Variants in SFT2D2 observed in about 807,000 individuals in gnomAD.
The protein encoded by SFT2D2 is vesicle transport protein SFT2B.
A neutral mutation model predicts 27.4 loss-of-function variants in SFT2D2; 21 were observed. The observed-to-expected ratio is 0.77, with a 90% CI of 0.54 to 1.10. SFT2D2 has a LOEUF of 1.10. Among genes scored for constraint, SFT2D2 ranks in the 50% least tolerant of loss-of-function variants. The pLI is 0.00. For missense variants in SFT2D2, 187 were observed against 194.2 expected, an observed-to-expected ratio of 0.96 and a Z score of 0.22; for synonymous variants, 72 against 71.7, an observed-to-expected ratio of 1.00 and a Z score of -0.02.
chr1:168,238,521 A>C (rs968435986), intron 6 of SFT2D2, among the ~76,000 whole-genome samples: 2 of 151,840 alleles, frequency 1.3e-5, no homozygotes, highest in South Asian at 2.1e-4. Flanking sequence ...ACAAAAAAAA[A>C]CATTAAAAAA....
intron 1 of SFT2D2, among the ~76,000 whole-genome samples, chr1:168,226,522 G>C (rs977390352): frequency 2.0e-5 from 3 of 152,100 alleles, no homozygotes; most frequent in Admixed American, 1.3e-4. Flanking sequence ...CCTTTGCTGG[G>C]TGGGTCGGGG....
intron 7 of SFT2D2, 86 bp from the exon 8 acceptor site, chr1:168,242,415 T>C: frequency 2.1e-6 from 3 of 1,457,972 alleles, no homozygotes; most frequent in Non-Finnish European, 2.9e-6. Flanking sequence ...TGCTTTCTAC[T>C]CTGCAGCTTC....
chr1:168,239,645 C>T (rs1647592652), intron 7 of SFT2D2, among the ~76,000 whole-genome samples: 2 of 151,912 alleles, frequency 1.3e-5, no homozygotes, highest in African/African-American at 2.4e-5. Flanking sequence ...GCTCTCTTGA[C>T]CCCTCTGGCC....
intron 6 of SFT2D2, 126 bp downstream of exon 6, chr1:168,236,896 C>A: frequency 8.7e-7 from 1 of 1,149,604 alleles, no homozygotes; most frequent in Non-Finnish European, 1.3e-6. Context: ...TTTAAGGATT[C>A]GTAATGATGA....
At position 168,247,368 on chromosome 1, in the gene SFT2D2, C is replaced by T. The variant is rs981127381; in HGVS notation, c.*4828C>T. The T allele has an allele frequency of 4.0e-5, 7 of 173,168 alleles. No homozygotes were observed. In the South Asian group the frequency reaches 8.0e-4, roughly 20 times the overall value. The allele number at this position is 173,168 out of a possible 1,614,324, so 10.7% of individuals were successfully genotyped here. A position where few individuals can be genotyped will look rare whatever the true frequency, so the allele number is the denominator to read the frequency against. ...GCCCCGGTATGTGATGTTCCCCTCCCTTTTCCATGTGTTCTCATTGTTCAA... is the reference window on the plus strand; with the variant it reads ...GCCCCGGTATGTGATGTTCCCCTCCTTTTTCCATGTGTTCTCATTGTTCAA... On this transcript the variant is annotated 3_prime_UTR_variant, in exon 8 of 8. Coordinates refer to ENST00000271375, the MANE Select transcript of SFT2D2 (RefSeq NM_199344.3).
At chr1:168,235,008 C>A in intron 3 of SFT2D2, 93 bp from the exon 4 acceptor site, 1 of 1,059,782 alleles carries the variant, frequency 9.4e-7, no homozygotes, top group Non-Finnish European at 1.5e-6. Flanking sequence ...CAAATGTTAG[C>A]TACTATTGCC....
At position 168,236,804 on chromosome 1, in the gene SFT2D2, AGC is replaced by A. The variant is rs1459007781; in HGVS notation, c.413+35_413+36del. The A allele has an allele frequency of 8.7e-6, 14 of 1,604,228 alleles. No homozygotes were observed. In the African/African-American group the frequency reaches 1.7e-4, roughly 20 times the overall value. ...CCTTTTAAACAATCCCCTCCCACAT[AGC>A]CCACTGAATAATGTAGCCAAAGGAG... is the stretch of plus-strand genomic sequence containing the variant. On this transcript the variant is annotated intron_variant, in intron 6 of 7. Transcript: ENST00000271375.
Position 168,242,624 on chromosome 1 carries a change from T to C in SFT2D2, c.*84T>C. 1 of 1,501,076 alleles carries C rather than the reference T, an allele frequency of 6.7e-7. No individual in the cohort carries two copies. The highest frequency in any genetic ancestry group is 9.3e-7 in the Non-Finnish European group (1 of 1,077,162). 93.0% of individuals were successfully genotyped at this position (1,501,076 alleles called of 1,614,324 possible). On this transcript the variant is annotated 3_prime_UTR_variant, in exon 8 of 8. Coordinates refer to ENST00000271375, the MANE Select transcript of SFT2D2 (RefSeq NM_199344.3). ...TTTGTAACTATCTTCGAAACCTCTG[T>C]CTTACAGACATGTGCCTTTTATCTT...
Position 168,246,576 on chromosome 1 carries a change from A to G in SFT2D2, c.*4036A>G. On this transcript the variant is annotated 3_prime_UTR_variant, in exon 8 of 8. Coordinates refer to ENST00000271375, the MANE Select transcript of SFT2D2 (RefSeq NM_199344.3). ...GTTGCTGAGAAAGAATCAGAACATGAGAATTCAAATTTTCCTGTAAATGAC... is the reference window on the plus strand; with the variant it reads ...GTTGCTGAGAAAGAATCAGAACATGGGAATTCAAATTTTCCTGTAAATGAC... The G allele has an allele frequency of 6.6e-7, 1 of 1,512,700 alleles. No individual in the cohort carries two copies. The highest frequency in any genetic ancestry group is 1.4e-5 in the African/African-American group (1 of 73,068). The allele number at this position is 1,512,700 out of a possible 1,614,324, so 93.7% of individuals were successfully genotyped here.
At chr1:168,232,058 C>T in intron 3 of SFT2D2, 139 bp downstream of exon 3, 1 of 667,678 alleles carries the variant, frequency 1.5e-6, no homozygotes. Context: ...ATCTCACATT[C>T]ATATCTTATT....
chr1:168,229,826 G>A (rs1700495287), intron 1 of SFT2D2: 1 of 152,222 alleles, frequency 6.6e-6, no homozygotes. Context: ...ATTGTCTGGG[G>A]CCTTGTAAAG....
At chr1:168,239,079 A>G (rs372749526) in intron 6 of SFT2D2, 52 bp from the exon 7 acceptor site, 4 of 1,389,364 alleles carry the variant, frequency 2.9e-6, no homozygotes, top group African/African-American at 2.8e-5. Flanking sequence ...CTGCTGGATA[A>G]TCTGCTACTC....
intron 1 of SFT2D2, among the ~76,000 whole-genome samples, chr1:168,227,353 GTTTCTCAGCAAGTTCTTC>G (rs756636228): frequency 2.3e-4 from 35 of 152,144 alleles, no homozygotes; most frequent in Non-Finnish European, 4.9e-4. Context: ...GTTTCTTCTG[GTTTCTCAGCAAGTTCTTC>G]TTTCTCAGCA....
intron 3 of SFT2D2, among the ~76,000 whole-genome samples, chr1:168,233,172 C>T (rs996040333): frequency 2.6e-5 from 4 of 152,166 alleles, no homozygotes; most frequent in African/African-American, 9.7e-5. Flanking sequence ...CTTGCATTTC[C>T]CAAAATGCCG....
intron 3 of SFT2D2, 88 bp downstream of exon 3, chr1:168,232,007 C>T: frequency 9.6e-7 from 1 of 1,044,166 alleles, no homozygotes; most frequent in Non-Finnish European, 1.5e-6. Context: ...AAAGAGGAGG[C>T]TCCAGTAGTT....
intron 1 of SFT2D2, among the ~76,000 whole-genome samples, chr1:168,231,130 C>T (rs967312438): frequency 6.6e-6 from 1 of 152,164 alleles, no homozygotes; most frequent in African/African-American, 2.4e-5. Context: ...CCCAGGTGGA[C>T]TTGTGAGTCC....
intron 4 of SFT2D2, among the ~76,000 whole-genome samples, 159 bp downstream of exon 4, chr1:168,235,341 G>A (rs895892547): frequency 1.3e-5 from 2 of 152,138 alleles, no homozygotes; most frequent in Non-Finnish European, 2.9e-5. Context: ...AACACTCTAA[G>A]TAATACTACG....
rs112780685 is a variant in SFT2D2 at position 168,235,514 on chromosome 1, G to T, written c.318+332G>T. 6.4e-3 allele frequency among the ~76,000 whole-genome samples: 981 copies of T among 152,288 alleles called. 18 individuals are homozygous for T. Among genetic ancestry groups the T allele is most frequent in the African/African-American group, 0.021 (883 of 41,560 alleles). On this transcript the variant is annotated intron_variant, in intron 4 of 7. Coordinates refer to ENST00000271375, the MANE Select transcript of SFT2D2 (RefSeq NM_199344.3). ...GACTGTGGAAGCCACACACAGGCAG[G>T]GCTTAGAGGGAATAACTCAGAAACA...
rs953546154 is a variant in SFT2D2 at position 168,250,058 on chromosome 1, C to G, written c.*7518C>G. 1 of 152,140 alleles carries G rather than the reference C, an allele frequency of 6.6e-6. No individual in the cohort carries two copies. Among genetic ancestry groups the G allele is most frequent in the Non-Finnish European group, 1.5e-5 (1 of 68,040 alleles). 9.4% of individuals were successfully genotyped at this position (152,140 alleles called of 1,614,324 possible). On this transcript the variant is annotated 3_prime_UTR_variant, in exon 8 of 8. Transcript: ENST00000271375. ...GGTAAAGAGCCTATCCCAGACCCCA[C>G]GAGTGGAGGCGTCAGGGAGGGGTTC...
Sources: allele counts gnomAD v4.1 joint callset (sites outside exome capture counted in the v4.1 genomes callset), GRCh38; gene constraint gnomAD v4.1.1; transcripts MANE v1.5; gene names NCBI Gene and HGNC (gene_info 2026-07-23, HGNC 2026-07-21).